The following MAF variants were observed in gnomAD, a reference collection of about 807,000 sequenced individuals.
MAF encodes transcription factor Maf.
In MAF, 10 loss-of-function variants were observed where a neutral mutation model predicts 22.0. The observed-to-expected ratio is 0.45, with a 90% CI of 0.28 to 0.77. The LOEUF is 0.77. Among genes scored for constraint, MAF ranks in the 30% least tolerant of loss-of-function variants. MAF has a pLI of 0.12. For missense variants in MAF, 544 were observed against 548.4 expected (o/e 0.99, Z 0.08); for synonymous variants, 337 against 255.8 (o/e 1.32, Z -3.03).
the MAF span, among the ~76,000 whole-genome samples, chr16:79,238,028 G>C: frequency 1.3e-5 from 2 of 152,054 alleles, 1 homozygote; most frequent in Non-Finnish European, 2.9e-5. Context: ...TGACCTTCTG[G>C]ATTTTGCTCC....
the MAF span, among the ~76,000 whole-genome samples, chr16:79,492,222 A>T: frequency 2.6e-5 from 4 of 152,312 alleles, no homozygotes; most frequent in South Asian, 8.3e-4. Flanking sequence ...GAATGCAGGC[A>T]GGGAGGCATT....
At chr16:79,354,764 A>G in the MAF span, among the ~76,000 whole-genome samples, 6 of 152,220 alleles carry the variant, frequency 3.9e-5, no homozygotes, top group Non-Finnish European at 8.8e-5. Context: ...CGGGATTTCC[A>G]TGCCATCCTG....
the MAF span, among the ~76,000 whole-genome samples, chr16:79,440,843 C>T: frequency 6.6e-6 from 1 of 152,226 alleles, no homozygotes. Context: ...TCACTTGGCT[C>T]TTGGTCTGTT....
At chr16:79,567,517 G>C in the MAF span, among the ~76,000 whole-genome samples, 22 of 152,084 alleles carry the variant, frequency 1.4e-4, no homozygotes, top group Non-Finnish European at 2.2e-4. Flanking sequence ...AAAAAAGTAA[G>C]TAAAAAAAAT....
the MAF span, among the ~76,000 whole-genome samples, chr16:79,273,246 A>G: frequency 1.3e-5 from 2 of 152,144 alleles, no homozygotes; most frequent in African/African-American, 4.8e-5. Context: ...GCAACCCACC[A>G]GCTTCTGCAG....
chr16:79,476,700 G>A, the MAF span, among the ~76,000 whole-genome samples: 1 of 152,166 alleles, frequency 6.6e-6, no homozygotes, highest in Non-Finnish European at 1.5e-5. Flanking sequence ...ATGTTAGGGG[G>A]GAAGGCAGAG....
At chr16:79,317,738 G>A in the MAF span, among the ~76,000 whole-genome samples, 1 of 152,156 alleles carries the variant, frequency 6.6e-6, no homozygotes. Flanking sequence ...CATTCCTCAT[G>A]CCTGGCTGCC....
chr16:79,502,690 AATATAAATATAAATATAAATATATAT>A, the MAF span, among the ~76,000 whole-genome samples: 1 of 15,910 alleles, frequency 6.3e-5, no homozygotes, highest in African/African-American at 2.0e-4. Flanking sequence ...TATAAATATA[AATATAAATATAAATATAAATATATAT>A]ATATATATAT....
chr16:79,427,207 G>A, the MAF span, among the ~76,000 whole-genome samples: 2 of 152,280 alleles, frequency 1.3e-5, no homozygotes, highest in Admixed American at 6.5e-5. Context: ...TGAGGAGTAG[G>A]CAAATGGAAG....
At chr16:79,308,224 G>C in the MAF span, among the ~76,000 whole-genome samples, 1 of 152,214 alleles carries the variant, frequency 6.6e-6, no homozygotes, top group Non-Finnish European at 1.5e-5. Flanking sequence ...GATCATTTAA[G>C]ACACCTGGAA....
intron 1 of MAF, chr16:79,597,008 CAG>C: frequency 9.5e-7 from 1 of 1,053,976 alleles, no homozygotes; most frequent in Admixed American, 5.4e-5. Flanking sequence ...CAGATATAAA[CAG>C]GGGCGTTTCC....
chr16:79,415,727 G>C, the MAF span, among the ~76,000 whole-genome samples: 1 of 151,840 alleles, frequency 6.6e-6, no homozygotes, highest in African/African-American at 2.4e-5. Flanking sequence ...GGGCTTTGGA[G>C]TCAGTTAGAC....
chr16:79,272,393 G>A, the MAF span, among the ~76,000 whole-genome samples: 36 of 152,224 alleles, frequency 2.4e-4, no homozygotes, highest in African/African-American at 8.7e-4. Flanking sequence ...GCTGGGGCGG[G>A]TCGCCTGCTC....
At chr16:79,214,567 G>C in the MAF span, among the ~76,000 whole-genome samples, 2 of 151,948 alleles carry the variant, frequency 1.3e-5, no homozygotes, top group East Asian at 1.9e-4. Flanking sequence ...CACCACACCT[G>C]GCTAATTTTT....
chr16:79,556,891 A>G, the MAF span, among the ~76,000 whole-genome samples: 1 of 152,298 alleles, frequency 6.6e-6, no homozygotes. Flanking sequence ...AGTGCTTGGT[A>G]TGAGAAATGT....
the MAF span, among the ~76,000 whole-genome samples, chr16:79,400,113 G>A: frequency 1.3e-5 from 2 of 152,162 alleles, no homozygotes; most frequent in South Asian, 2.1e-4. Context: ...CCAGGACAGG[G>A]TAGTTGCTAT....
the MAF span, among the ~76,000 whole-genome samples, chr16:79,484,729 T>C: frequency 2.6e-5 from 4 of 152,110 alleles, no homozygotes; most frequent in Admixed American, 2.0e-4. Flanking sequence ...CTGCTGGTGA[T>C]GATACTCCAC....
rs1212289834 is a variant in MAF, at chr16:79,599,499, G to A, written c.404C>T (p.Ala135Val). 1 of 1,502,560 alleles carries A rather than the reference G, an allele frequency of 6.7e-7. No individual in the cohort carries two copies. Among genetic ancestry groups the A allele is most frequent in the Non-Finnish European group, 8.9e-7 (1 of 1,129,394 alleles). 93.1% of individuals were successfully genotyped at this position (1,502,560 alleles called of 1,614,324 possible). ...QGGFDGYARG[A>V]QQLAAAAGAG... ...CCCGGCCGCCGCGGCCAGCTGCTGC[G>A]CCCCGCGCGCGTAGCCATCGAAGCC... The change falls in exon 1 of 2, where the codon GCG becomes GTG. Residue 135 changes from alanine (A) to valine (V), a missense_variant. Ala to Val is a moderately conservative substitution (Grantham distance 64, BLOSUM62 0). Around this residue, in one of 5 missense-constraint regions of MAF, gnomAD observed 342 missense variants for 315.5 expected, o/e 1.08. Coordinates refer to ENST00000326043, the MANE Select transcript of MAF (RefSeq NM_005360.5).
At chr16:79,531,118 A>T in the MAF span, among the ~76,000 whole-genome samples, 2 of 152,238 alleles carry the variant, frequency 1.3e-5, no homozygotes, top group African/African-American at 4.8e-5. Context: ...TTCTAGATGA[A>T]AATCAGGGAC....
Sources: allele counts gnomAD v4.1 joint callset (sites outside exome capture counted in the v4.1 genomes callset), GRCh38; gene constraint gnomAD v4.1.1; regional missense constraint gnomAD v4.1.1; transcripts MANE v1.5; gene names NCBI Gene and HGNC (gene_info 2026-07-23, HGNC 2026-07-21).